FRMPD4: variants seen among roughly 807,000 people sequenced by gnomAD.
The protein encoded by FRMPD4 is FERM and PDZ domain-containing protein 4.
In FRMPD4, 22 loss-of-function variants were observed where a neutral mutation model predicts 94.1. The observed-to-expected ratio is 0.23, with a 90% CI of 0.17 to 0.33. FRMPD4 has a LOEUF of 0.33. Ranked by LOEUF, FRMPD4 falls within the 10% of genes least tolerant of loss-of-function variation. FRMPD4 has a pLI of 1.00. For missense variants in FRMPD4, 1,111 were observed against 1,339.9 expected (o/e 0.83, Z 2.67); for synonymous variants, 631 against 548.6 (o/e 1.15, Z -2.10).
chrX:12,662,404 A>G (rs2059724947), intron 4 of FRMPD4, among the ~76,000 whole-genome samples: 1 of 108,366 alleles, frequency 9.2e-6, no homozygotes, highest in African/African-American at 3.4e-5. Context: ...CCCTGTGTCC[A>G]TGTGTTCTCA....
At chrX:11,985,569 G>A (rs1306094006) in intron 3 of FRMPD4, among the ~76,000 whole-genome samples, 7 of 112,283 alleles carry the variant, frequency 6.2e-5, no homozygotes, top group Non-Finnish European at 1.3e-4. Flanking sequence ...CAGGCGCTGT[G>A]AGGAAGAGCA....
intron 2 of FRMPD4, among the ~76,000 whole-genome samples, chrX:11,865,666 A>G (rs2053714239): frequency 8.9e-6 from 1 of 112,181 alleles, no homozygotes; most frequent in Non-Finnish European, 1.9e-5. Flanking sequence ...GTCTAATATG[A>G]CTAGTCCAGG....
chrX:12,566,264 C>T (rs142354311), intron 2 of FRMPD4, among the ~76,000 whole-genome samples: 165 of 111,424 alleles, frequency 1.5e-3, no homozygotes, highest in Middle Eastern at 4.6e-3. Flanking sequence ...GTGACAGGCT[C>T]CACCTCCTCC....
At chrX:11,861,187 G>T (rs1031792162) in intron 1 of FRMPD4, among the ~76,000 whole-genome samples, 6 of 111,332 alleles carry the variant, frequency 5.4e-5, no homozygotes, top group Admixed American at 9.6e-5. Flanking sequence ...TGATAGCTGA[G>T]AAAAAGGAAA....
At chrX:12,316,902 G>A (rs1036106100) in intron 1 of FRMPD4, among the ~76,000 whole-genome samples, 1 of 111,625 alleles carries the variant, frequency 9.0e-6, no homozygotes, top group Admixed American at 9.5e-5. Flanking sequence ...ATCTTTTACA[G>A]TTATGGTGAT....
chrX:12,406,431 G>A (rs1270118737), intron 1 of FRMPD4, among the ~76,000 whole-genome samples: 4 of 111,824 alleles, frequency 3.6e-5, no homozygotes. Flanking sequence ...CGATGTTAGA[G>A]GGAAAAAATC....
chrX:12,636,851 G>A lies in FRMPD4; in HGVS notation c.422+21970G>A, dbSNP rs1331254651. ...TCAACTCATCTTATCTTTGGTAATG[G>A]GAGCCCATTCAAGTGAGATATCAAG... On this transcript the variant is annotated intron_variant, in intron 4 of 16. Transcript: ENST00000675598. Among the ~76,000 whole-genome samples the A allele has an allele frequency of 2.7e-5, 3 of 111,370 alleles. No homozygotes were observed. The Admixed American group carries it at 2.9e-4, about 11-fold the overall frequency.
chrX:12,461,589 T>G (rs1331917528), intron 1 of FRMPD4, among the ~76,000 whole-genome samples: 2 of 112,234 alleles, frequency 1.8e-5, no homozygotes, highest in Non-Finnish European at 3.8e-5. Flanking sequence ...AGCAAATTAT[T>G]TTGTCCTGTG....
intron 2 of FRMPD4, among the ~76,000 whole-genome samples, chrX:12,516,235 G>A (rs909762625): frequency 9.0e-6 from 1 of 111,692 alleles, no homozygotes; most frequent in African/African-American, 3.3e-5. Flanking sequence ...ATTTAATACT[G>A]TCATCATGAT....
chrX:12,374,638 G>A (rs941060441), intron 1 of FRMPD4, among the ~76,000 whole-genome samples: 1 of 112,205 alleles, frequency 8.9e-6, no homozygotes, highest in African/African-American at 3.2e-5. Flanking sequence ...AAGAAAGGCA[G>A]GATTCAAGAG....
At chrX:12,682,574 T>C (rs2059983584) in intron 5 of FRMPD4, among the ~76,000 whole-genome samples, 2 of 112,630 alleles carry the variant, frequency 1.8e-5, no homozygotes, top group African/African-American at 6.4e-5. Flanking sequence ...AAACAAACAA[T>C]GCCTGCAACA....
At chrX:12,580,082 T>C (rs1168004879) in intron 2 of FRMPD4, among the ~76,000 whole-genome samples, 2 of 112,079 alleles carry the variant, frequency 1.8e-5, no homozygotes, top group Non-Finnish European at 3.8e-5. Flanking sequence ...CCACAAGGCA[T>C]TGAAAAATGA....
intron 4 of FRMPD4, among the ~76,000 whole-genome samples, chrX:12,672,203 G>A (rs756347298): frequency 2.7e-5 from 3 of 112,309 alleles, no homozygotes; most frequent in Non-Finnish European, 5.6e-5. Flanking sequence ...CGTGGAAGGT[G>A]ATGTTGGTGG....
At chrX:12,663,375 G>A (rs1189276215) in intron 4 of FRMPD4, among the ~76,000 whole-genome samples, 1 of 111,616 alleles carries the variant, frequency 9.0e-6, no homozygotes, top group African/African-American at 3.3e-5. Flanking sequence ...TTTGTATAAG[G>A]TGTAAGGAAG....
chrX:12,033,943 C>T (rs1007239041), intron 3 of FRMPD4, among the ~76,000 whole-genome samples: 4 of 112,313 alleles, frequency 3.6e-5, no homozygotes, highest in Non-Finnish European at 7.5e-5. Context: ...GTGATCCGCC[C>T]GCCTCGGCCT....
In FRMPD4 at chrX:12,466,053, T is replaced by C. The variant is rs896826954; in HGVS notation, c.42-32627T>C. On this transcript the variant is annotated intron_variant, in intron 1 of 16. Transcript: ENST00000675598. ...AGGCTTTGGGTATCTATAAAATACTTTGAAGTTAGATTCTCCATGGGACTG... is the reference window on the plus strand; with the variant it reads ...AGGCTTTGGGTATCTATAAAATACTCTGAAGTTAGATTCTCCATGGGACTG... Among the ~76,000 whole-genome samples the C allele has an allele frequency of 8.1e-5, 9 of 111,560 alleles. 1 individual carries two copies. The Admixed American group carries it at 8.6e-4, about 11-fold the overall frequency.
chrX:12,301,872 A>G (rs1197609253), intron 1 of FRMPD4, among the ~76,000 whole-genome samples: 1 of 112,064 alleles, frequency 8.9e-6, no homozygotes, highest in Non-Finnish European at 1.9e-5. Context: ...GCTTAAGGAT[A>G]CAATGAGTCA....
At chrX:12,418,721 A>T (rs2056844766) in intron 1 of FRMPD4, among the ~76,000 whole-genome samples, 2 of 111,604 alleles carry the variant, frequency 1.8e-5, no homozygotes, top group East Asian at 5.6e-4. Context: ...TGAGATAAGC[A>T]TAGAAGAAAA....
intron 1 of FRMPD4, among the ~76,000 whole-genome samples, chrX:12,404,362 G>A (rs1048393106): frequency 3.6e-5 from 4 of 111,594 alleles, no homozygotes; most frequent in African/African-American, 1.3e-4. Context: ...ATGTTTTTTG[G>A]GGTCTTTTAA....
Sources: allele counts gnomAD v4.1 joint callset (sites outside exome capture counted in the v4.1 genomes callset), GRCh38; gene constraint gnomAD v4.1.1; transcripts MANE v1.5; gene names NCBI Gene and HGNC (gene_info 2026-07-23, HGNC 2026-07-21).